The following CNTNAP2 variants were observed in gnomAD, a reference collection of about 807,000 sequenced individuals.
The protein encoded by CNTNAP2 is contactin associated protein 2.
Under a neutral mutation model 155.2 loss-of-function variants are expected in CNTNAP2, and 98 were observed. That is an observed-to-expected ratio of 0.63 (90% CI 0.54 to 0.75). CNTNAP2 has a LOEUF of 0.75. Among genes scored for constraint, CNTNAP2 ranks in the 30% least tolerant of loss-of-function variants. The probability of loss-of-function intolerance (pLI) is 0.00; values close to 1 mark genes in which losing one functional copy is unlikely to be tolerated. For synonymous variants in CNTNAP2, 651 were observed against 631.2 expected, an observed-to-expected ratio of 1.03 and a Z score of -0.47; for missense variants, 1,727 against 1,688.1, an observed-to-expected ratio of 1.02 and a Z score of -0.40.
chr7:146,758,764 T>G lies in CNTNAP2; in HGVS notation c.98-15507T>G, dbSNP rs1462709846. Among the ~76,000 whole-genome samples the G allele has an allele frequency of 3.3e-5, 5 of 152,158 alleles. No homozygotes were observed. In the South Asian group the frequency reaches 6.2e-4, roughly 19 times the overall value. Reference sequence around the variant, plus strand: ...AAGTGGAAATTGTGAGAGTTAAAATTCAAAATGAGATTTGGGTGGGGACAC... The same window carrying G: ...AAGTGGAAATTGTGAGAGTTAAAATGCAAAATGAGATTTGGGTGGGGACAC... On this transcript the variant is annotated intron_variant, in intron 1 of 23. Transcript: ENST00000361727.
intron 10 of CNTNAP2, among the ~76,000 whole-genome samples, chr7:147,451,142 C>CA (rs1478204141): frequency 6.6e-6 from 1 of 151,792 alleles, no homozygotes; most frequent in Admixed American, 6.6e-5. Context: ...TTTGTTGAGG[C>CA]AAAAAACTAC....
At position 147,297,324 on chromosome 7, in the gene CNTNAP2, G is replaced by GTT. The variant is rs5888246; in HGVS notation, c.1349-2811_1349-2810dup. On this transcript the variant is annotated intron_variant, in intron 8 of 23. Transcript: ENST00000361727. The stretch of plus-strand genomic sequence containing the variant: ...TACCAGACATGGTTTTAACTTTAGG[G>GTT]TTTTTTTAGTAGAGAAGAAAACAGA... Among the ~76,000 whole-genome samples, 4 of 151,860 alleles carry GTT rather than the reference G, an allele frequency of 2.6e-5. No individual in the cohort carries two copies. In the East Asian group the frequency reaches 5.8e-4, roughly 22 times the overall value.
chr7:147,737,631 G>C (rs886735628), intron 13 of CNTNAP2, among the ~76,000 whole-genome samples: 3 of 152,142 alleles, frequency 2.0e-5, no homozygotes, highest in Non-Finnish European at 4.4e-5. Context: ...GTCTACAGAG[G>C]CAGGCAGGCC....
intron 21 of CNTNAP2, among the ~76,000 whole-genome samples, chr7:148,272,649 A>AT (rs1796803387): frequency 1.3e-5 from 2 of 152,314 alleles, no homozygotes; most frequent in East Asian, 1.9e-4. Context: ...AGATAAAAAA[A>AT]ATATATACAA....
Position 146,999,671 on chromosome 7 carries a change from G to GTT in CNTNAP2, c.403-44231_403-44230dup, listed in dbSNP as rs149036985. Among the ~76,000 whole-genome samples the GTT allele has an allele frequency of 5.3e-5, 8 of 151,984 alleles. No homozygotes were observed. The East Asian group carries it at 1.4e-3, about 26-fold the overall frequency. ...CAGGGCATAGTATTTTTTGTTGACA[G>GTT]TTTTTTCCCCCAGCACTTTGAATAT... On this transcript the variant is annotated intron_variant, in intron 3 of 23. Transcript: ENST00000361727.
intron 8 of CNTNAP2, among the ~76,000 whole-genome samples, chr7:147,232,290 C>A (rs1472032752): frequency 6.6e-6 from 1 of 152,140 alleles, no homozygotes; most frequent in Non-Finnish European, 1.5e-5. Flanking sequence ...ATCAAAATTC[C>A]AATGGCGTTT....
Position 147,673,533 on chromosome 7 carries a change from A to G in CNTNAP2, c.2098+34227A>G, listed in dbSNP as rs552477979. Among the ~76,000 whole-genome samples the G allele has an allele frequency of 3.3e-5, 5 of 152,326 alleles. No individual in the cohort carries two copies. The South Asian group carries it at 8.3e-4, about 25-fold the overall frequency. ...CTATAGCATGCTGCTTTCTAGCTAT[A>G]TAAGAAAAAAACCTCATTATTCTAT... On this transcript the variant is annotated intron_variant, in intron 13 of 23. Transcript: ENST00000361727.
intron 13 of CNTNAP2, among the ~76,000 whole-genome samples, chr7:147,868,199 T>G (rs1799266132): frequency 6.6e-6 from 1 of 152,134 alleles, no homozygotes; most frequent in Non-Finnish European, 1.5e-5. Flanking sequence ...CGTCTAATAG[T>G]CAGGTCCCTC....
chr7:147,919,132 A>G (rs1460561317), intron 14 of CNTNAP2, among the ~76,000 whole-genome samples: 1 of 152,110 alleles, frequency 6.6e-6, no homozygotes. Context: ...ACTAAGACAT[A>G]AAGGCATCCT....
intron 10 of CNTNAP2, among the ~76,000 whole-genome samples, chr7:147,408,532 G>T (rs535150844): frequency 1.3e-5 from 2 of 152,260 alleles, no homozygotes; most frequent in African/African-American, 4.8e-5. Context: ...AGGCTGACGC[G>T]GGCGGATCAC....
At chr7:146,185,165 A>G (rs1373737666) in intron 1 of CNTNAP2, among the ~76,000 whole-genome samples, 1 of 152,124 alleles carries the variant, frequency 6.6e-6, no homozygotes, top group African/African-American at 2.4e-5. Context: ...AACATAACAC[A>G]TTTGTATTAA....
intron 15 of CNTNAP2, among the ~76,000 whole-genome samples, chr7:148,103,851 T>G (rs1411173240): frequency 6.6e-6 from 1 of 152,200 alleles, no homozygotes; most frequent in Non-Finnish European, 1.5e-5. Context: ...ATATATGAAT[T>G]CTAAGGAAAC....
At chr7:146,246,933 G>T (rs1799669675) in intron 1 of CNTNAP2, among the ~76,000 whole-genome samples, 6 of 152,138 alleles carry the variant, frequency 3.9e-5, no homozygotes, top group Admixed American at 3.9e-4. Flanking sequence ...ATGTGGCTGG[G>T]GTTTGTCTCA....
At chr7:147,612,631 G>T (rs891879067) in intron 12 of CNTNAP2, among the ~76,000 whole-genome samples, 3 of 151,878 alleles carry the variant, frequency 2.0e-5, no homozygotes, top group African/African-American at 7.3e-5. Flanking sequence ...AAATTCCTGA[G>T]CTCAGGCAAT....
intron 9 of CNTNAP2, among the ~76,000 whole-genome samples, chr7:147,334,825 T>C (rs895275318): frequency 6.6e-6 from 1 of 152,178 alleles, no homozygotes; most frequent in African/African-American, 2.4e-5. Context: ...CTCTCCCAGG[T>C]TAGTGTTGGT....
chr7:146,427,138 A>G (rs1004638586), intron 1 of CNTNAP2, among the ~76,000 whole-genome samples: 5 of 152,182 alleles, frequency 3.3e-5, no homozygotes, highest in Non-Finnish European at 5.9e-5. Context: ...CTCCGTGATC[A>G]TTAAAAAGAT....
At chr7:146,714,752 A>G (rs926397926) in intron 1 of CNTNAP2, among the ~76,000 whole-genome samples, 1 of 152,190 alleles carries the variant, frequency 6.6e-6, no homozygotes, top group East Asian at 1.9e-4. Context: ...AAAAACAAAG[A>G]TAAACAGATA....
chr7:146,232,999 G>T (rs543902561), intron 1 of CNTNAP2, among the ~76,000 whole-genome samples: 1 of 152,046 alleles, frequency 6.6e-6, no homozygotes, highest in African/African-American at 2.4e-5. Context: ...TCAATCTATT[G>T]GAATGTAATC....
chr7:146,774,191 A>AT (rs1218245395), intron 1 of CNTNAP2, 80 bp from the exon 2 acceptor site: 10 of 1,005,374 alleles, frequency 9.9e-6, no homozygotes, highest in Middle Eastern at 2.1e-4. Context: ...AGATTCAATG[A>AT]TTTTTTAACC....
Sources: gnomAD v4.1 joint callset for allele counts (sites outside exome capture counted in the v4.1 genomes callset) on GRCh38, gnomAD v4.1.1 for gene constraint, MANE v1.5 for transcripts, NCBI Gene and HGNC (gene_info 2026-07-23, HGNC 2026-07-21) for gene names.